PCBP3: variants seen among roughly 807,000 people sequenced by gnomAD.
The protein encoded by PCBP3 is poly(rC) binding protein 3, also known as poly(rC)-binding protein 3.
Under a neutral mutation model 52.7 loss-of-function variants are expected in PCBP3, and 25 were observed. The ratio of observed to expected loss-of-function variants is 0.47; its 90% CI spans 0.35 to 0.66. PCBP3 has a LOEUF of 0.66. Among genes scored for constraint, PCBP3 ranks in the 30% least tolerant of loss-of-function variants. The pLI, the probability that PCBP3 is intolerant of heterozygous loss-of-function variation, is 0.01. For synonymous variants in PCBP3, 162 were observed against 183.0 expected, an observed-to-expected ratio of 0.89 and a Z score of 0.93; for missense variants, 391 against 490.3, an observed-to-expected ratio of 0.80 and a Z score of 1.91.
rs759688004 is a variant in PCBP3 at position 45,917,300 on chromosome 21, T to C, written c.676-288T>C. 5.9e-5 allele frequency: 22 copies of C among 374,200 alleles called. No individual in the cohort carries two copies. The highest frequency in any genetic ancestry group is 9.7e-5 in the Non-Finnish European group (20 of 205,750). The allele number at this position is 374,200 out of a possible 1,614,324, so 23.2% of individuals were successfully genotyped here. A position where few individuals can be genotyped will look rare whatever the true frequency, so the allele number is the denominator to read the frequency against. ...ACTGGGCAGATCACTCTTCGATTCTTTTGCTTTAAGAAACTTGGAGTCGGA... is the reference window on the plus strand; with the variant it reads ...ACTGGGCAGATCACTCTTCGATTCTCTTGCTTTAAGAAACTTGGAGTCGGA... On this transcript the variant is annotated intron_variant, in intron 12 of 17. Transcript: ENST00000681687. The surrounding 1 kb of genome is among the most constrained non-coding windows in gnomAD (Gnocchi z 5.3).
At chr21:45,674,049 A>C (rs572282524) in intron 2 of PCBP3, among the ~76,000 whole-genome samples, 1 of 152,284 alleles carries the variant, frequency 6.6e-6, no homozygotes, top group South Asian at 2.1e-4. Flanking sequence ...GTTTTTATGG[A>C]ATTTTGAAGA....
rs79596391 is a variant in PCBP3 at position 45,677,304 on chromosome 21, A to G, written c.-200+8352A>G. Among the ~76,000 whole-genome samples, 322 of 152,338 alleles carry G rather than the reference A, an allele frequency of 2.1e-3. 1 individual carries two copies. Among genetic ancestry groups the G allele is most frequent in the African/African-American group, 7.1e-3 (296 of 41,574 alleles). ...GTGGTCTGGATAGAAGGTGCAACTAACCACAACATTGCTTTAAGCCAAAGT... is the reference window on the plus strand; with the variant it reads ...GTGGTCTGGATAGAAGGTGCAACTAGCCACAACATTGCTTTAAGCCAAAGT... On this transcript the variant is annotated intron_variant, in intron 2 of 17. Transcript: ENST00000681687.
At chr21:45,665,003 C>T (rs1048668868) in intron 1 of PCBP3, among the ~76,000 whole-genome samples, 1 of 151,776 alleles carries the variant, frequency 6.6e-6, no homozygotes, top group Non-Finnish European at 1.5e-5. Flanking sequence ...AATCTTTCAC[C>T]TTCATGGTTA....
chr21:45,752,308 CT>C (rs2146351472), intron 3 of PCBP3, among the ~76,000 whole-genome samples: 1 of 151,712 alleles, frequency 6.6e-6, no homozygotes, highest in East Asian at 1.9e-4. Context: ...GTTTATTTTT[CT>C]ATTTCATTAA....
At chr21:45,941,578 C>A in intron 17 of PCBP3, 92 bp from the exon 18 acceptor site, 1 of 1,193,270 alleles carries the variant, frequency 8.4e-7, no homozygotes, top group Non-Finnish European at 1.2e-6. Context: ...TCCCAGCGAG[C>A]ACAGAGGCCA....
chr21:45,941,738 A>G lies in PCBP3; in HGVS notation c.*32A>G. The G allele has an allele frequency of 6.3e-7, 1 of 1,589,008 alleles. No individual in the cohort carries two copies. The highest frequency in any genetic ancestry group is 8.6e-7 in the Non-Finnish European group (1 of 1,165,870). The stretch of plus-strand genomic sequence containing the variant: ...CCAGCACCCTTCCCCCGCGTCACCC[A>G]CCTGCCAGAGCCTAAGGCCCCCGGC... On this transcript the variant is annotated 3_prime_UTR_variant, in exon 18 of 18. Transcript: ENST00000681687.
intron 4 of PCBP3, among the ~76,000 whole-genome samples, chr21:45,767,008 C>G (rs2089403839): frequency 6.6e-6 from 1 of 152,152 alleles, no homozygotes; most frequent in Non-Finnish European, 1.5e-5. Flanking sequence ...CAGTTTTGAC[C>G]CTGACAGCAG....
intron 3 of PCBP3, among the ~76,000 whole-genome samples, chr21:45,739,494 C>T (rs376371467): frequency 3.7e-5 from 5 of 133,674 alleles, no homozygotes; most frequent in South Asian, 2.6e-4. Flanking sequence ...GGTGGCCCCC[C>T]GATCTTCAGC....
chr21:45,697,688 T>TGAGCC (rs1320269174), intron 2 of PCBP3, among the ~76,000 whole-genome samples: 1 of 150,674 alleles, frequency 6.6e-6, no homozygotes, highest in African/African-American at 2.5e-5. Flanking sequence ...AAGGCTGCAG[T>TGAGCC]GAGCCATGAT....
At chr21:45,677,583 TA>T (rs1204549279) in intron 2 of PCBP3, among the ~76,000 whole-genome samples, 1 of 152,258 alleles carries the variant, frequency 6.6e-6, no homozygotes, top group Non-Finnish European at 1.5e-5. Flanking sequence ...AATAGCCTTC[TA>T]TTGAAAGACC....
At chr21:45,666,164 C>G (rs776275144) in intron 1 of PCBP3, among the ~76,000 whole-genome samples, 9 of 152,150 alleles carry the variant, frequency 5.9e-5, no homozygotes, top group Non-Finnish European at 7.4e-5. Context: ...CAACATCATT[C>G]TGAATGAGGA....
At chr21:45,801,012 G>T (rs973427800) in intron 4 of PCBP3, among the ~76,000 whole-genome samples, 1 of 152,182 alleles carries the variant, frequency 6.6e-6, no homozygotes, top group East Asian at 1.9e-4. Flanking sequence ...ATGCCCACTC[G>T]CTCTGACCTT....
intron 2 of PCBP3, among the ~76,000 whole-genome samples, chr21:45,709,842 G>C (rs2083710547): frequency 6.6e-6 from 1 of 152,150 alleles, no homozygotes; most frequent in Non-Finnish European, 1.5e-5. Flanking sequence ...GGTTCCTCAG[G>C]CTCCTCTTGG....
chr21:45,699,585 C>T (rs116792579), intron 2 of PCBP3, among the ~76,000 whole-genome samples: 1 of 152,270 alleles, frequency 6.6e-6, no homozygotes, highest in African/African-American at 2.4e-5. Flanking sequence ...AAAAACATGC[C>T]TGAGAATGGA....
chr21:45,647,344 A>G (rs1054157016), intron 1 of PCBP3, among the ~76,000 whole-genome samples: 2 of 152,206 alleles, frequency 1.3e-5, no homozygotes, highest in African/African-American at 4.8e-5. Flanking sequence ...CTGGGAACCC[A>G]TGAGGGAATG....
intron 1 of PCBP3, among the ~76,000 whole-genome samples, chr21:45,662,669 C>T (rs1225678495): frequency 2.0e-5 from 3 of 151,578 alleles, no homozygotes; most frequent in Non-Finnish European, 4.4e-5. Flanking sequence ...ATAATAATCC[C>T]CGCTCTACAA....
At chr21:45,728,450 G>A (rs1569157492) in intron 2 of PCBP3, among the ~76,000 whole-genome samples, 2 of 152,140 alleles carry the variant, frequency 1.3e-5, no homozygotes, top group Admixed American at 6.6e-5. Context: ...TTATCTGCAT[G>A]TATTTATTTT....
intron 5 of PCBP3, among the ~76,000 whole-genome samples, chr21:45,884,987 C>T (rs1256078384): frequency 6.6e-6 from 1 of 152,204 alleles, no homozygotes; most frequent in African/African-American, 2.4e-5. Flanking sequence ...CCTTTCTATG[C>T]ACTCACATGT....
chr21:45,646,793 T>C (rs1010289879), intron 1 of PCBP3, among the ~76,000 whole-genome samples: 21 of 152,230 alleles, frequency 1.4e-4, no homozygotes, highest in Non-Finnish European at 4.4e-5. Flanking sequence ...TAGGCATATA[T>C]CTATGTAGGG....
Sources: gnomAD v4.1 joint callset for allele counts (sites outside exome capture counted in the v4.1 genomes callset) on GRCh38, gnomAD v4.1.1 for gene constraint, Gnocchi (gnomAD v3.1) non-coding constraint, MANE v1.5 for transcripts, NCBI Gene and HGNC (gene_info 2026-07-23, HGNC 2026-07-21) for gene names.